DYM: variants seen among roughly 807,000 people sequenced by gnomAD.
The protein encoded by DYM is dymeclin.
Under a neutral mutation model 93.1 loss-of-function variants are expected in DYM, and 78 were observed. The ratio of observed to expected loss-of-function variants is 0.84; its 90% CI spans 0.70 to 1.01. The LOEUF is 1.01. DYM is among the 50% of genes least tolerant of loss of function. The probability of loss-of-function intolerance (pLI) is 0.00; values close to 1 mark genes in which losing one functional copy is unlikely to be tolerated. For missense variants in DYM, 789 were observed against 845.0 expected (o/e 0.93, Z 0.82); for synonymous variants, 321 against 319.7 (o/e 1.00, Z -0.04).
chr18:49,087,102 G>A (rs1250833765), intron 17 of DYM, among the ~76,000 whole-genome samples: 1 of 152,106 alleles, frequency 6.6e-6, no homozygotes, highest in Admixed American at 6.5e-5. Flanking sequence ...AAACCAGGAA[G>A]CAGTCCCTTA....
intron 2 of DYM, among the ~76,000 whole-genome samples, chr18:49,406,916 T>C (rs990845255): frequency 6.6e-6 from 1 of 152,230 alleles, no homozygotes; most frequent in Non-Finnish European, 1.5e-5. Flanking sequence ...ACTTTATTCA[T>C]TACAGCCAAA....
intron 11 of DYM, among the ~76,000 whole-genome samples, chr18:49,268,627 G>A (rs1379961829): frequency 6.6e-6 from 1 of 152,072 alleles, no homozygotes; most frequent in East Asian, 1.9e-4. Flanking sequence ...TGTGGTTACA[G>A]TTACTTTTTC....
chr18:49,280,295 G>T (rs1002523211), intron 10 of DYM, among the ~76,000 whole-genome samples: 2 of 152,174 alleles, frequency 1.3e-5, no homozygotes, highest in African/African-American at 4.8e-5. Context: ...TAATTTAAGT[G>T]ATATCTGACA....
At chr18:49,281,111 A>T (rs1165274554) in intron 10 of DYM, among the ~76,000 whole-genome samples, 2 of 152,218 alleles carry the variant, frequency 1.3e-5, no homozygotes, top group African/African-American at 4.8e-5. Flanking sequence ...TACAAGAAAA[A>T]AACAAACAAC....
At chr18:49,219,054 T>C (rs1022691585) in intron 13 of DYM, among the ~76,000 whole-genome samples, 1 of 151,930 alleles carries the variant, frequency 6.6e-6, no homozygotes, top group East Asian at 1.9e-4. Flanking sequence ...ATAGATGCAA[T>C]AAAAAATGAT....
chr18:49,432,833 C>T (rs560283302), intron 1 of DYM, among the ~76,000 whole-genome samples: 39 of 152,104 alleles, frequency 2.6e-4, no homozygotes, highest in African/African-American at 8.9e-4. Context: ...AGGCTGGTCT[C>T]GAACTCTTTC....
intron 6 of DYM, among the ~76,000 whole-genome samples, chr18:49,344,139 A>T (rs1014274768): frequency 7.2e-5 from 11 of 152,232 alleles, no homozygotes; most frequent in Admixed American, 5.2e-4. Flanking sequence ...CAGTTTAAAA[A>T]TAAGGAACCC....
At chr18:49,078,936 GTTAA>G (rs1280530273) in intron 17 of DYM, among the ~76,000 whole-genome samples, 1 of 152,170 alleles carries the variant, frequency 6.6e-6, no homozygotes, top group Non-Finnish European at 1.5e-5. Flanking sequence ...GAAGTGCAAG[GTTAA>G]TTGAGTTGTT....
intron 8 of DYM, among the ~76,000 whole-genome samples, chr18:49,324,585 A>G (rs2062756260): frequency 6.6e-6 from 1 of 152,242 alleles, no homozygotes; most frequent in South Asian, 2.1e-4. Flanking sequence ...CATGGCTGGC[A>G]TATTCACTTT....
At chr18:49,291,817 A>G (rs1271491387) in intron 8 of DYM, among the ~76,000 whole-genome samples, 3 of 152,232 alleles carry the variant, frequency 2.0e-5, no homozygotes, top group Non-Finnish European at 2.9e-5. Context: ...GAGACATTTA[A>G]TAAGAAAATC....
chr18:49,111,439 G>A (rs1333984448), intron 16 of DYM, among the ~76,000 whole-genome samples: 1 of 152,090 alleles, frequency 6.6e-6, no homozygotes, highest in East Asian at 1.9e-4. Flanking sequence ...ATAATGCTTG[G>A]CTGAATGTTA....
At chr18:49,315,317 G>C (rs1344322332) in intron 8 of DYM, among the ~76,000 whole-genome samples, 11 of 152,044 alleles carry the variant, frequency 7.2e-5, no homozygotes, top group African/African-American at 2.7e-4. Context: ...AAATTGTATG[G>C]TATTTTTATC....
chr18:49,067,168 GCACTAT>G (rs2076469170), intron 17 of DYM, among the ~76,000 whole-genome samples: 1 of 30,356 alleles, frequency 3.3e-5, no homozygotes, highest in African/African-American at 1.1e-4. Context: ...GGTGATGTGA[GCACTAT>G]GGAGGTTCAG....
intron 3 of DYM, among the ~76,000 whole-genome samples, chr18:49,380,163 AAC>A (rs1237126293): frequency 6.6e-6 from 1 of 152,224 alleles, no homozygotes; most frequent in Non-Finnish European, 1.5e-5. Flanking sequence ...TTAAATCTAA[AAC>A]ACTCTTCAGA....
intron 6 of DYM, among the ~76,000 whole-genome samples, chr18:49,346,565 T>C (rs1467065784): frequency 1.3e-5 from 2 of 152,200 alleles, no homozygotes; most frequent in South Asian, 2.1e-4. Flanking sequence ...GATAGTGGTG[T>C]TGGTTTCACA....
At chr18:49,433,124 G>A (rs1465214221) in intron 1 of DYM, among the ~76,000 whole-genome samples, 2 of 152,268 alleles carry the variant, frequency 1.3e-5, no homozygotes, top group Non-Finnish European at 1.5e-5. Flanking sequence ...GAGAATCACA[G>A]CCATGGAGCA....
intron 17 of DYM, among the ~76,000 whole-genome samples, chr18:49,081,519 AGGGAGAG>A (rs55920237): frequency 0.034 from 4,152 of 121,334 alleles, 75 homozygotes; most frequent in African/African-American, 0.048. Context: ...GGAGACCGAG[AGGGAGAG>A]GGGAGAGGGG....
At chr18:49,336,595 C>G (rs2063692644) in intron 6 of DYM, among the ~76,000 whole-genome samples, 1 of 152,142 alleles carries the variant, frequency 6.6e-6, no homozygotes, top group Non-Finnish European at 1.5e-5. Flanking sequence ...CAAATTATAT[C>G]AAATTGCTTA....
intron 13 of DYM, among the ~76,000 whole-genome samples, chr18:49,228,544 T>C (rs2093607021): frequency 6.6e-6 from 1 of 152,152 alleles, no homozygotes; most frequent in African/African-American, 2.4e-5. Context: ...TCCAGCAGAA[T>C]AGAGAACTAG....
Sources: allele counts gnomAD v4.1 joint callset (sites outside exome capture counted in the v4.1 genomes callset), GRCh38; gene constraint gnomAD v4.1.1; transcripts MANE v1.5; gene names NCBI Gene and HGNC (gene_info 2026-07-23, HGNC 2026-07-21).